Variants in PCDHGA2 observed in about 807,000 individuals in gnomAD.
PCDHGA2 encodes protocadherin gamma-A2.
In PCDHGA2, 40 loss-of-function variants were observed where a neutral mutation model predicts 59.2. The observed-to-expected ratio is 0.68, with a 90% CI of 0.52 to 0.88. The LOEUF (loss-of-function observed/expected upper bound fraction) is 0.88. Among genes scored for constraint, PCDHGA2 ranks in the 40% least tolerant of loss-of-function variants. The pLI, the probability that PCDHGA2 is intolerant of heterozygous loss-of-function variation, is 0.00. For synonymous variants in PCDHGA2, 560 were observed against 526.0 expected (o/e 1.06, Z -0.89); for missense variants, 1,226 against 1,204.0 (o/e 1.02, Z -0.27).
At chr5:141,409,869 A>G (rs2095329006) in intron 1 of PCDHGA2, 2 of 1,612,632 alleles carry the variant, frequency 1.2e-6, no homozygotes, top group African/African-American at 1.3e-5. Context: ...GGAGACCGCA[A>G]TGACAACGCA....
Position 141,477,143 on chromosome 5 carries a change from G to A in PCDHGA2, c.2425-17664G>A. Reference sequence around the variant, plus strand: ...ACATTGCAAAGTGTTGGTGGAGGTTGTGGATGTGAATGACAACGCCCCGGA... The same window carrying A: ...ACATTGCAAAGTGTTGGTGGAGGTTATGGATGTGAATGACAACGCCCCGGA... On this transcript the variant is annotated intron_variant, in intron 1 of 3. Transcript: ENST00000394576. This position sits in a 1 kb window ranked among gnomAD's most constrained non-coding sequence, Gnocchi z 4.9. 6.2e-7 allele frequency: 1 copy of A among 1,614,198 alleles called. No individual in the cohort carries two copies. Among genetic ancestry groups the A allele is most frequent in the Non-Finnish European group, 8.5e-7 (1 of 1,180,036 alleles).
Position 141,485,633 on chromosome 5 carries a change from T to C in PCDHGA2, c.2425-9174T>C. 2 of 1,611,808 alleles carry C rather than the reference T, an allele frequency of 1.2e-6. No homozygotes were observed. Among genetic ancestry groups the C allele is most frequent in the South Asian group, 1.1e-5 (1 of 90,962 alleles). On this transcript the variant is annotated intron_variant, in intron 1 of 3. Coordinates refer to ENST00000394576, the MANE Select transcript of PCDHGA2 (RefSeq NM_018915.4). The surrounding 1 kb of genome is among the most constrained non-coding windows in gnomAD (Gnocchi z 5.7). Reference sequence around the variant, plus strand: ...AGCTCCTCCAGGACAGCGTTTCCCGTTGGAAAAGGCTCAGGATGCAGATGT... The same window carrying C: ...AGCTCCTCCAGGACAGCGTTTCCCGCTGGAAAAGGCTCAGGATGCAGATGT...
intron 1 of PCDHGA2, chr5:141,411,714 G>C (rs889829564): frequency 6.6e-6 from 1 of 152,420 alleles, no homozygotes; most frequent in Middle Eastern, 3.1e-3. Context: ...AGACTCCATC[G>C]CTACAGAACA....
intron 2 of PCDHGA2, among the ~76,000 whole-genome samples, chr5:141,497,661 T>A (rs1485909952): frequency 3.3e-5 from 5 of 151,062 alleles, no homozygotes; most frequent in African/African-American, 4.9e-5. Context: ...TGCCTCAGCC[T>A]CCCGAGTAGC....
chr5:141,350,258 G>A, intron 1 of PCDHGA2: 1 of 1,510,816 alleles, frequency 6.6e-7, no homozygotes, highest in East Asian at 2.3e-5. Context: ...GAGAGTTCCT[G>A]AAATGCAGAG....
chr5:141,405,320 C>G, intron 1 of PCDHGA2: 1 of 1,614,188 alleles, frequency 6.2e-7, no homozygotes, highest in Non-Finnish European at 8.5e-7. Context: ...GAAAAATGAG[C>G]CTTTGTGCGT....
intron 1 of PCDHGA2, chr5:141,413,776 G>A: frequency 6.2e-7 from 1 of 1,613,188 alleles, no homozygotes; most frequent in Non-Finnish European, 8.5e-7. Context: ...GCTGGTACTG[G>A]AGCACTCCCT....
intron 1 of PCDHGA2, chr5:141,389,448 C>T (rs895638491): frequency 1.2e-6 from 2 of 1,610,424 alleles, no homozygotes; most frequent in Non-Finnish European, 1.7e-6. Context: ...CGACCACGAG[C>T]AGCTGCGCGC....
chr5:141,397,695 C>T lies in PCDHGA2; in HGVS notation c.2424+56300C>T, dbSNP rs146807025. ...AATGTATGCAGGTTTGTATAAAAAC[C>T]CAACGTGATATTTCTAACAATTTGG... On this transcript the variant is annotated intron_variant, in intron 1 of 3. Coordinates refer to ENST00000394576, the MANE Select transcript of PCDHGA2 (RefSeq NM_018915.4). 1.4e-3 allele frequency among the ~76,000 whole-genome samples: 211 copies of T among 152,210 alleles called. 1 individual carries two copies. Among genetic ancestry groups the T allele is most frequent in the African/African-American group, 4.7e-3 (197 of 41,534 alleles).
intron 1 of PCDHGA2, chr5:141,366,959 G>A (rs780082329): frequency 3.9e-4 from 255 of 654,682 alleles, no homozygotes; most frequent in Non-Finnish European, 5.6e-4. Context: ...GTAGACTTAA[G>A]TGAAACAAAT....
chr5:141,413,889 T>C (rs1394681178), intron 1 of PCDHGA2: 4 of 1,613,392 alleles, frequency 2.5e-6, no homozygotes, highest in Non-Finnish European at 3.4e-6. Flanking sequence ...CTGTCTTCGA[T>C]GCAAATGACA....
chr5:141,430,583 C>A, intron 1 of PCDHGA2: 1 of 490,378 alleles, frequency 2.0e-6, no homozygotes, highest in Non-Finnish European at 3.4e-6. Flanking sequence ...AGATCCTGCT[C>A]GCCTTGCACG....
chr5:141,362,130 G>A (rs762720403), intron 1 of PCDHGA2: 3 of 1,613,918 alleles, frequency 1.9e-6, no homozygotes, highest in African/African-American at 1.3e-5. Context: ...TAATCTTCGC[G>A]GATAGCCTGC....
At chr5:141,375,325 G>A (rs1021429198) in intron 1 of PCDHGA2, 6 of 1,613,650 alleles carry the variant, frequency 3.7e-6, no homozygotes, top group Admixed American at 1.7e-5. Context: ...ACCGGGAAGA[G>A]GTATTCTTGT....
At chr5:141,450,932 C>G (rs868373954) in intron 1 of PCDHGA2, among the ~76,000 whole-genome samples, 1 of 151,134 alleles carries the variant, frequency 6.6e-6, no homozygotes, top group Admixed American at 6.6e-5. Context: ...TCAAGCAATT[C>G]TCCTACCTCA....
At chr5:141,447,719 C>T (rs1333017511) in intron 1 of PCDHGA2, among the ~76,000 whole-genome samples, 2 of 152,226 alleles carry the variant, frequency 1.3e-5, no homozygotes, top group East Asian at 3.9e-4. Context: ...TACACATTTT[C>T]CAAAACTCAT....
chr5:141,399,704 T>A, intron 1 of PCDHGA2: 1 of 1,613,424 alleles, frequency 6.2e-7, no homozygotes, highest in Non-Finnish European at 8.5e-7. Context: ...ACCTTCGAAC[T>A]CACACTACAG....
In PCDHGA2 at chr5:141,476,288, C is replaced by A. The variant is rs1446743849; in HGVS notation, c.2425-18519C>A. 3.1e-6 allele frequency: 5 copies of A among 1,613,980 alleles called. No homozygotes were observed. The highest frequency in any genetic ancestry group is 3.4e-6 in the Non-Finnish European group (4 of 1,180,026). ...CGTGGTCGCGAACCTTGGTTTGGAT[C>A]TCGGTAGCCTCTCAGCCCGCAGGTT... On this transcript the variant is annotated intron_variant, in intron 1 of 3. Coordinates refer to ENST00000394576, the MANE Select transcript of PCDHGA2 (RefSeq NM_018915.4). This position sits in a 1 kb window ranked among gnomAD's most constrained non-coding sequence, Gnocchi z 7.6.
At chr5:141,465,983 A>G (rs1219092160) in intron 1 of PCDHGA2, among the ~76,000 whole-genome samples, 1 of 151,944 alleles carries the variant, frequency 6.6e-6, no homozygotes, top group East Asian at 1.9e-4. Context: ...TTAGCCGGGC[A>G]TGGTGGCAGG....
Sources: allele counts gnomAD v4.1 joint callset (sites outside exome capture counted in the v4.1 genomes callset), GRCh38; gene constraint gnomAD v4.1.1; non-coding constraint Gnocchi (gnomAD v3.1); transcripts MANE v1.5; gene names NCBI Gene and HGNC (gene_info 2026-07-23, HGNC 2026-07-21).